SULT2B1: variants seen among roughly 807,000 people sequenced by gnomAD.
The protein encoded by SULT2B1 is sulfotransferase 2B1.
A neutral mutation model predicts 33.2 loss-of-function variants in SULT2B1; 16 were observed. The ratio of observed to expected loss-of-function variants is 0.48; its 90% CI spans 0.33 to 0.73. The LOEUF is 0.73. Among genes scored for constraint, SULT2B1 ranks in the 30% least tolerant of loss-of-function variants. The pLI, the probability that SULT2B1 is intolerant of heterozygous loss-of-function variation, is 0.02. For missense variants in SULT2B1, 500 were observed against 506.0 expected (o/e 0.99, Z 0.11); for synonymous variants, 186 against 200.5 (o/e 0.93, Z 0.61).
At chr19:48,578,306 G>A (rs1010543858) in intron 2 of SULT2B1, among the ~76,000 whole-genome samples, 1 of 152,142 alleles carries the variant, frequency 6.6e-6, no homozygotes, top group African/African-American at 2.4e-5. Flanking sequence ...TTTCAGCCGA[G>A]CACAGTGGCT....
At position 48,552,764 on chromosome 19, in the gene SULT2B1, T is replaced by G. The variant is rs1181231165; in HGVS notation, c.71+441T>G. On this transcript the variant is annotated intron_variant, in intron 1 of 6. Transcript: ENST00000201586. The surrounding 1 kb of genome is among the most constrained non-coding windows in gnomAD (Gnocchi z 4.8). ...GGTGAAATGGGAGAGACTGGGATGC[T>G]GCTGAGACCCCCAGAGGGAGAAGCT... is the stretch of plus-strand genomic sequence containing the variant. 6.6e-6 allele frequency among the ~76,000 whole-genome samples: 1 copy of G among 152,102 alleles called. No individual in the cohort carries two copies. The highest frequency in any genetic ancestry group is 1.5e-5 in the Non-Finnish European group (1 of 68,006).
At chr19:48,588,900 TG>T (rs1973604756) in intron 3 of SULT2B1, among the ~76,000 whole-genome samples, 2 of 150,936 alleles carry the variant, frequency 1.3e-5, no homozygotes, top group South Asian at 4.3e-4. Flanking sequence ...AGTGAGCAAG[TG>T]GGGAAAGGAG....
At chr19:48,554,027 C>T (rs1001096117) in intron 1 of SULT2B1, among the ~76,000 whole-genome samples, 9 of 152,108 alleles carry the variant, frequency 5.9e-5, no homozygotes, top group African/African-American at 2.2e-4. Context: ...CCTGAGTGAC[C>T]TCGCTAAGTG....
chr19:48,584,455 G>C (rs1973536996), intron 2 of SULT2B1, among the ~76,000 whole-genome samples: 1 of 152,228 alleles, frequency 6.6e-6, no homozygotes, highest in African/African-American at 2.4e-5. Flanking sequence ...TGTTCCTCCA[G>C]CGCCCTCTGC....
intron 1 of SULT2B1, among the ~76,000 whole-genome samples, chr19:48,555,588 CTTTT>C (rs1168797150): frequency 7.1e-6 from 1 of 141,660 alleles, no homozygotes; most frequent in African/African-American, 2.7e-5. Context: ...CTCTCTCTCT[CTTTT>C]GAGACAGAGC....
chr19:48,568,562 G>C (rs1322316585), intron 1 of SULT2B1, among the ~76,000 whole-genome samples: 1 of 152,128 alleles, frequency 6.6e-6, no homozygotes, highest in Non-Finnish European at 1.5e-5. Context: ...AGCTGGGGAC[G>C]CCTGCCCAGA....
At chr19:48,575,258 AC>A (rs990481585) in intron 1 of SULT2B1, among the ~76,000 whole-genome samples, 1 of 149,546 alleles carries the variant, frequency 6.7e-6, no homozygotes, top group African/African-American at 2.5e-5. Flanking sequence ...GCAGGTGCCC[AC>A]CACCACACCT....
chr19:48,564,412 G>C (rs1973218810), intron 1 of SULT2B1, among the ~76,000 whole-genome samples: 1 of 150,624 alleles, frequency 6.6e-6, no homozygotes, highest in African/African-American at 2.4e-5. Flanking sequence ...AATTAGCTGG[G>C]CGTGGTGGCA....
At chr19:48,558,399 T>C (rs1425804620) in intron 1 of SULT2B1, among the ~76,000 whole-genome samples, 1 of 151,996 alleles carries the variant, frequency 6.6e-6, no homozygotes, top group African/African-American at 2.4e-5. Flanking sequence ...CTACGGAGAG[T>C]GTCAAGGCCA....
chr19:48,563,285 C>CTAGCAAT (rs2147600630), intron 1 of SULT2B1, among the ~76,000 whole-genome samples: 1 of 152,228 alleles, frequency 6.6e-6, no homozygotes, highest in African/African-American at 2.4e-5. Context: ...ACTCTGTGAC[C>CTAGCAAT]TAGCAATTCT....
chr19:48,577,352 CTTTTTTTTTTTT>C (rs1209521675), intron 2 of SULT2B1, among the ~76,000 whole-genome samples: 354 of 30,646 alleles, frequency 0.012, 6 homozygotes, highest in African/African-American at 0.042. Flanking sequence ...ACTGAGCCGT[CTTTTTTTTTTTT>C]TTTTTTTTTT....
At chr19:48,583,791 C>G (rs1191723927) in intron 2 of SULT2B1, among the ~76,000 whole-genome samples, 1 of 151,424 alleles carries the variant, frequency 6.6e-6, no homozygotes, top group Non-Finnish European at 1.5e-5. Context: ...GCACTCCAGC[C>G]TGGGCGACAG....
chr19:48,579,283 CTTTT>C (rs142498510), intron 2 of SULT2B1, among the ~76,000 whole-genome samples: 2 of 136,666 alleles, frequency 1.5e-5, no homozygotes, highest in Admixed American at 7.4e-5. Context: ...CATGCAAGTT[CTTTT>C]TTTTTTTTTT....
At chr19:48,554,148 G>C (rs763143485) in intron 1 of SULT2B1, among the ~76,000 whole-genome samples, 6 of 151,998 alleles carry the variant, frequency 3.9e-5, no homozygotes, top group Non-Finnish European at 7.4e-5. Context: ...CAGAGCCCTG[G>C]GGGGGTGCCC....
intron 2 of SULT2B1, among the ~76,000 whole-genome samples, chr19:48,585,939 G>A (rs1485597772): frequency 6.6e-6 from 1 of 152,010 alleles, no homozygotes; most frequent in Non-Finnish European, 1.5e-5. Flanking sequence ...TTAAAGGAGT[G>A]CCTGCTGGGC....
chr19:48,587,775 C>T (rs1215631115), intron 3 of SULT2B1, among the ~76,000 whole-genome samples: 3 of 151,508 alleles, frequency 2.0e-5, no homozygotes, highest in Non-Finnish European at 2.9e-5. Context: ...CACTTGTAGT[C>T]CCAGCTACTT....
At chr19:48,570,667 C>G (rs1489075370) in intron 1 of SULT2B1, among the ~76,000 whole-genome samples, 4 of 152,152 alleles carry the variant, frequency 2.6e-5, no homozygotes, top group African/African-American at 7.2e-5. Context: ...TTCTCTTGGA[C>G]AAACACCCAG....
intron 1 of SULT2B1, among the ~76,000 whole-genome samples, chr19:48,570,494 C>T (rs570611263): frequency 1.3e-4 from 19 of 151,744 alleles, no homozygotes; most frequent in African/African-American, 4.1e-4. Context: ...TTTTTCATCG[C>T]TGAGTAGTAT....
Position 48,596,912 on chromosome 19 carries a change from C to G in SULT2B1, c.819C>G (p.Leu273=). Residue 273 remains leucine (L), a synonymous_variant, in exon 6 of 7, where the codon CTC becomes CTG. Transcript: ENST00000201586. ...TGGACCACCGTCGCGGGGCCTTCCT[C>G]CGGAAAGGTGCGGGGGTTCTGGGGT... ...SLLDHRRGAF[L]RKGVCGDWKN... The G allele has an allele frequency of 6.3e-7, 1 of 1,592,300 alleles. No individual in the cohort carries two copies. Among genetic ancestry groups the G allele is most frequent in the South Asian group, 1.1e-5 (1 of 89,120 alleles).
Sources: allele counts gnomAD v4.1 joint callset (sites outside exome capture counted in the v4.1 genomes callset), GRCh38; gene constraint gnomAD v4.1.1; non-coding constraint Gnocchi (gnomAD v3.1); transcripts MANE v1.5; gene names NCBI Gene and HGNC (gene_info 2026-07-23, HGNC 2026-07-21).